The following MAP3K6 variants were observed in gnomAD, a reference collection of about 807,000 sequenced individuals.
The protein encoded by MAP3K6 is mitogen-activated protein kinase kinase kinase 6.
MAP3K6 carries 105 observed loss-of-function variants against 147.1 expected under a neutral mutation model. That is an observed-to-expected ratio of 0.71 (90% confidence interval 0.61 to 0.84). MAP3K6 has a LOEUF of 0.84. MAP3K6 is among the 40% of genes least tolerant of loss of function. The pLI is 0.00. For missense variants in MAP3K6, 1,569 were observed against 1,715.0 expected, an observed-to-expected ratio of 0.91 and a Z score of 1.50; for synonymous variants, 695 against 732.4, an observed-to-expected ratio of 0.95 and a Z score of 0.82.
Position 27,358,894 on chromosome 1 carries a change from C to T in MAP3K6, c.2426-28G>A. On this transcript the variant is annotated intron_variant, in intron 18 of 28. Coordinates refer to ENST00000357582, the MANE Select transcript of MAP3K6 (RefSeq NM_004672.5). The surrounding 1 kb of genome is among the most constrained non-coding windows in gnomAD (Gnocchi z 6.2). ...AGGACAGAAACAGGAGCACCAATGC[C>T]CATCTAGGCTTCATCATGGGGTTGG... 1 of 1,538,384 alleles carries T rather than the reference C, an allele frequency of 6.5e-7. No individual in the cohort carries two copies. Among genetic ancestry groups the T allele is most frequent in the Non-Finnish European group, 8.7e-7 (1 of 1,143,062 alleles).
In MAP3K6 at chr1:27,366,160, C is replaced by A. The variant is rs189532370; in HGVS notation, c.340+98G>T. 16,307 of 1,170,976 alleles carry A rather than the reference C, an allele frequency of 0.014. 134 individuals are homozygous for A. The highest frequency in any genetic ancestry group is 0.016 in the Non-Finnish European group (15,230 of 928,824). The allele number at this position is 1,170,976 out of a possible 1,614,324, so 72.5% of individuals were successfully genotyped here. ...CACTTTAAGTCCCCTAGACCCGGTA[C>A]CCCTCTCGGCCCCTCCCTTGAGCCT... On this transcript the variant is annotated intron_variant, in intron 1 of 28. Transcript: ENST00000357582. The surrounding 1 kb of genome is among the most constrained non-coding windows in gnomAD (Gnocchi z 5.5).
chr1:27,361,805 G>A lies in MAP3K6; in HGVS notation c.1478C>T (p.Pro493Leu). The A allele has an allele frequency of 6.2e-7, 1 of 1,608,582 alleles. No individual in the cohort carries two copies. The change falls in exon 10 of 29, where the codon CCC becomes CTC. Residue 493 changes from proline (P) to leucine (L), a missense_variant. Physicochemically the swap from Pro to Leu is moderately conservative, Grantham distance 98 (BLOSUM62 -3). Coordinates refer to ENST00000357582, the MANE Select transcript of MAP3K6 (RefSeq NM_004672.5). Reference protein sequence around the residue: ...LYQHFRPTPEPPGGPPRRAHF... With the variant: ...LYQHFRPTPELPGGPPRRAHF... ...GGCACGGCGTGGTGGCCCTCCAGGG[G>A]GCTCTGGCGTGGGCCTGAAGTGCTG...
Position 27,356,719 on chromosome 1 carries a change from G to A in MAP3K6, c.3395C>T (p.Ser1132Leu). Residue 1132 changes from serine (S) to leucine (L), a missense_variant, in exon 25 of 29, where the codon TCA (serine) becomes TTA (leucine). Transcript: ENST00000357582. ...EVEKEAVSPR[S>L]EELSNEGDSQ... Reference sequence around the variant, plus strand: ...GTCCCCTTCATTACTCAGCTCCTCTGACCTCGGTGAGACCGCCTCCTTCTC... The same window carrying A: ...GTCCCCTTCATTACTCAGCTCCTCTAACCTCGGTGAGACCGCCTCCTTCTC... The A allele has an allele frequency of 6.3e-7, 1 of 1,586,528 alleles. No individual in the cohort carries two copies. Among genetic ancestry groups the A allele is most frequent in the Non-Finnish European group, 8.6e-7 (1 of 1,165,820 alleles).
In MAP3K6 at chr1:27,361,369, T is replaced by C. The variant is rs138359388; in HGVS notation, c.1713A>G (p.Pro571=). ...ACCTGACTCCGCATATGGAGGCGAC[T>C]GGGAAGGTCCAGCTGGAGGGAATGT... ...TQDIPSSWTF[P]VASICGVSAS... is the part of the protein sequence containing the mutation. The change falls in exon 12 of 29, where the codon CCA becomes CCG. Residue 571 remains proline, a synonymous_variant. Transcript: ENST00000357582. The C allele has an allele frequency of 2.1e-5, 34 of 1,613,954 alleles. No homozygotes were observed. The African/African-American group carries it at 3.9e-4, about 18-fold the overall frequency.
chr1:27,357,154 CA>C, intron 23 of MAP3K6, 40 bp from the exon 24 acceptor site: 1 of 1,560,948 alleles, frequency 6.4e-7, no homozygotes, highest in South Asian at 1.1e-5. Context: ...AGCTGAGCCT[CA>C]ACTAGAGGCA....
chr1:27,355,610 T>C, intron 28 of MAP3K6, 59 bp downstream of exon 28: 1 of 1,599,982 alleles, frequency 6.3e-7, no homozygotes, highest in Non-Finnish European at 8.6e-7. Flanking sequence ...TAGGCAGGCC[T>C]GCAGTTGGCC....
chr1:27,355,559 C>T, intron 28 of MAP3K6, 90 bp from the exon 29 acceptor site: 1 of 1,568,434 alleles, frequency 6.4e-7, no homozygotes, highest in Non-Finnish European at 8.8e-7. Flanking sequence ...CCCTCTGTCC[C>T]TAGGGGACCC....
In MAP3K6 at chr1:27,361,814, G is replaced by T. The variant is rs369834309; in HGVS notation, c.1469C>A (p.Thr490Lys). ...TGGTGGCCCTCCAGGGGGCTCTGGC[G>T]TGGGCCTGAAGTGCTGGTAGAGCAG... ...TFLLYQHFRPTPEPPGGPPRR... is the reference protein window; with the variant it reads ...TFLLYQHFRPKPEPPGGPPRR... Residue 490 changes from threonine to lysine, a missense_variant, in exon 10 of 29, where the codon ACG (threonine) becomes AAG (lysine). Transcript: ENST00000357582. 14 of 1,605,054 alleles carry T rather than the reference G, an allele frequency of 8.7e-6. No individual in the cohort carries two copies. Among genetic ancestry groups the T allele is most frequent in the Non-Finnish European group, 1.1e-5 (13 of 1,175,336 alleles).
intron 5 of MAP3K6, 45 bp from the exon 6 acceptor site, chr1:27,363,593 C>G: frequency 6.8e-7 from 1 of 1,462,930 alleles, no homozygotes; most frequent in South Asian, 1.3e-5. Context: ...GCCTCCAGGC[C>G]CCAAGGAACC....
At chr1:27,356,528 G>A in intron 25 of MAP3K6, 28 bp from the exon 26 acceptor site, 5 of 1,611,748 alleles carry the variant, frequency 3.1e-6, no homozygotes, top group Non-Finnish European at 4.2e-6. Flanking sequence ...GTAGAATGGA[G>A]CGGTGAGTGG....
Position 27,358,183 on chromosome 1 carries a change from G to A in MAP3K6, c.2913C>T (p.Leu971=). The A allele has an allele frequency of 6.3e-7, 1 of 1,585,730 alleles. No individual in the cohort carries two copies. Among genetic ancestry groups the A allele is most frequent in the Non-Finnish European group, 8.5e-7 (1 of 1,171,218 alleles). The change falls in exon 21 of 29, where the codon CTC becomes CTT. Residue 971 remains leucine, a splice_region_variant and synonymous_variant. Coordinates refer to ENST00000357582, the MANE Select transcript of MAP3K6 (RefSeq NM_004672.5). The surrounding 1 kb of genome is among the most constrained non-coding windows in gnomAD (Gnocchi z 6.2). ...CATCCCAGGAGCCTTGGTCTCACCG[G>A]AGCTGGCTGGTGCCCCCATAACTGA... The part of the protein sequence containing the change: ...RCLSYGGTSQ[L]RVPEEPAAEE...
chr1:27,364,902 C>G lies in MAP3K6; in HGVS notation c.351G>C (p.Val117=). The G allele has an allele frequency of 6.3e-7, 1 of 1,591,516 alleles. No individual in the cohort carries two copies. Among genetic ancestry groups the G allele is most frequent in the South Asian group, 1.1e-5 (1 of 88,560 alleles). Residue 117 remains valine (V), a synonymous_variant, in exon 2 of 29, where the codon GTG becomes GTC. Coordinates refer to ENST00000357582, the MANE Select transcript of MAP3K6 (RefSeq NM_004672.5). The surrounding 1 kb of genome is among the most constrained non-coding windows in gnomAD (Gnocchi z 4.4). ...LDAFYNADVV[V]LEVSSSLVQP... ...GTACCAGCGAGCTGCTCACCTCCAG[C>G]ACCACCACATCTGCAGGCACAGAGG... is the stretch of plus-strand genomic sequence containing the variant.
chr1:27,363,870 T>C, intron 5 of MAP3K6, 47 bp downstream of exon 5: 1 of 1,489,852 alleles, frequency 6.7e-7, no homozygotes. Flanking sequence ...TGGGTTTGTC[T>C]GACCTCAAAT....
Position 27,355,260 on chromosome 1 carries a change from G to A in MAP3K6, c.*131C>T. 1.2e-6 allele frequency: 1 copy of A among 845,262 alleles called. No individual in the cohort carries two copies. Among genetic ancestry groups the A allele is most frequent in the East Asian group, 2.4e-5 (1 of 41,026 alleles). The allele number at this position is 845,262 out of a possible 1,614,324, so 52.4% of individuals were successfully genotyped here. On this transcript the variant is annotated 3_prime_UTR_variant, in exon 29 of 29. Coordinates refer to ENST00000357582, the MANE Select transcript of MAP3K6 (RefSeq NM_004672.5). The stretch of plus-strand genomic sequence containing the variant: ...TGGTTGGTTTCTCTCACTGGAACCA[G>A]TCCTGGGCCCCACTCGCCTGGCTTC...
rs375110384 is a variant in MAP3K6, at chr1:27,359,380, G to A, written c.2425+37C>T. On this transcript the variant is annotated intron_variant, in intron 18 of 28. Coordinates refer to ENST00000357582, the MANE Select transcript of MAP3K6 (RefSeq NM_004672.5). This position sits in a 1 kb window ranked among gnomAD's most constrained non-coding sequence, Gnocchi z 4.4. ...AGTTCCAAGAGATCTTCTGCCCCAGGTCAGCATCCCCACTCACCACCCCCA... is the reference window on the plus strand; with the variant it reads ...AGTTCCAAGAGATCTTCTGCCCCAGATCAGCATCCCCACTCACCACCCCCA... 21 of 1,613,592 alleles carry A rather than the reference G, an allele frequency of 1.3e-5. No homozygotes were observed. The African/African-American group carries it at 2.7e-4, about 21-fold the overall frequency.
Position 27,365,847 on chromosome 1 carries a change from C to T in MAP3K6, c.340+411G>A, listed in dbSNP as rs563756660. Among the ~76,000 whole-genome samples the T allele has an allele frequency of 7.7e-4, 117 of 152,162 alleles. 1 individual carries two copies. The highest frequency in any genetic ancestry group is 2.7e-3 in the African/African-American group (114 of 41,496). On this transcript the variant is annotated intron_variant, in intron 1 of 28. Transcript: ENST00000357582. ...CCAAGCTCCTCTCCCAGTAATTGTC[C>T]TCAAGAGATCCGCGTGACATTCTCC... is the stretch of plus-strand genomic sequence containing the variant.
chr1:27,357,439 A>C lies in MAP3K6; in HGVS notation c.3219T>G (p.Pro1073=), dbSNP rs747919460. 1.2e-6 allele frequency: 2 copies of C among 1,612,352 alleles called. No individual in the cohort carries two copies. The highest frequency in any genetic ancestry group is 1.7e-5 in the Admixed American group (1 of 59,836). The change falls in exon 23 of 29, where the codon CCT becomes CCG. Residue 1073 remains proline (P), a synonymous_variant. Coordinates refer to ENST00000357582, the MANE Select transcript of MAP3K6 (RefSeq NM_004672.5). The part of the protein sequence containing the change: ...QGRLRAQGLG[P]ALLHRPLFAF... ...CAAACAGCGGTCTGTGCAGAAGCGC[A>C]GGCCCAAGGCCCTGGGCCCTCAGCC...
chr1:27,357,933 T>C, intron 21 of MAP3K6, 57 bp from the exon 22 acceptor site: 1 of 1,513,736 alleles, frequency 6.6e-7, no homozygotes, highest in Non-Finnish European at 8.8e-7. Flanking sequence ...CAGTCACCTC[T>C]GTTGCCGGGT....
In MAP3K6 at chr1:27,358,045, A is replaced by G. The variant is rs934337103; in HGVS notation, c.2915+136T>C. ...ACAAGTCCAAGTTAGAGTTGCCAGA[A>G]CAGGGCATGGGGAGGCACCAAATGC... On this transcript the variant is annotated intron_variant, in intron 21 of 28. Transcript: ENST00000357582. This position sits in a 1 kb window ranked among gnomAD's most constrained non-coding sequence, Gnocchi z 6.2. 2.8e-5 allele frequency: 42 copies of G among 1,498,182 alleles called. No individual in the cohort carries two copies. In the African/African-American group the frequency reaches 5.2e-4, roughly 19 times the overall value. The allele number at this position is 1,498,182 out of a possible 1,614,324, so 92.8% of individuals were successfully genotyped here. A position where few individuals can be genotyped will look rare whatever the true frequency, so the allele number is the denominator to read the frequency against.
Sources: gnomAD v4.1 joint callset for allele counts (sites outside exome capture counted in the v4.1 genomes callset) on GRCh38, gnomAD v4.1.1 for gene constraint, Gnocchi (gnomAD v3.1) non-coding constraint, MANE v1.5 for transcripts, NCBI Gene and HGNC (gene_info 2026-07-23, HGNC 2026-07-21) for gene names.